The following PCDHA8 variants were observed in gnomAD, a reference collection of about 807,000 sequenced individuals.
PCDHA8 encodes the protein protocadherin alpha 8.
A neutral mutation model predicts 61.8 loss-of-function variants in PCDHA8; 53 were observed. The ratio of observed to expected loss-of-function variants is 0.86; its 90% CI spans 0.69 to 1.08. The LOEUF (loss-of-function observed/expected upper bound fraction) is 1.08, where lower values mean the gene tolerates loss of function less well. Among genes scored for constraint, PCDHA8 ranks in the 50% least tolerant of loss-of-function variants. The probability of loss-of-function intolerance (pLI) is 0.00; values close to 1 mark genes in which losing one functional copy is unlikely to be tolerated. For synonymous variants in PCDHA8, 618 were observed against 556.6 expected (o/e 1.11, Z -1.55); for missense variants, 1,293 against 1,245.0 (o/e 1.04, Z -0.58).
intron 1 of PCDHA8, chr5:140,863,111 C>T (rs782266273): frequency 1.2e-5 from 7 of 585,488 alleles, no homozygotes; most frequent in Non-Finnish European, 1.7e-5. Context: ...CTGGACGAGG[C>T]GAAAGCTACG....
In PCDHA8 at chr5:140,871,203, C is replaced by A. The variant is rs369236762; in HGVS notation, c.2394+27488C>A. On this transcript the variant is annotated intron_variant, in intron 1 of 3. Transcript: ENST00000531613. ...TGGTGGATGTCAACGTGTACCTGAT[C>A]ATCGCCATCTGCGTGGTGTCCAGCC... The A allele has an allele frequency of 6.3e-5, 101 of 1,613,744 alleles. No homozygotes were observed. The African/African-American group carries it at 1.3e-3, about 21-fold the overall frequency.
intron 1 of PCDHA8, among the ~76,000 whole-genome samples, chr5:140,950,427 C>T (rs393858): frequency 0.56 from 85,078 of 151,138 alleles, 24,477 homozygotes; most frequent in African/African-American, 0.69. Flanking sequence ...TTTTCTTCCA[C>T]TTAAAAAAAA....
chr5:140,876,477 G>A, intron 1 of PCDHA8: 1 of 1,614,034 alleles, frequency 6.2e-7, no homozygotes, highest in Non-Finnish European at 8.5e-7. Flanking sequence ...GTCACAGCAT[G>A]GTCCTGGTGG....
intron 1 of PCDHA8, among the ~76,000 whole-genome samples, chr5:140,926,076 T>C (rs2082906284): frequency 1.3e-5 from 2 of 152,204 alleles, no homozygotes; most frequent in Admixed American, 1.3e-4. Context: ...TCGTCTCTAT[T>C]GCCCTCTTGG....
chr5:140,910,808 G>A (rs535429898), intron 1 of PCDHA8, among the ~76,000 whole-genome samples: 1 of 152,170 alleles, frequency 6.6e-6, no homozygotes, highest in South Asian at 2.1e-4. Flanking sequence ...TGCTTAGTGG[G>A]CCCAAATCAA....
At chr5:140,854,069 A>G (rs1432539790) in intron 1 of PCDHA8, 1 of 273,288 alleles carries the variant, frequency 3.7e-6, no homozygotes, top group Non-Finnish European at 5.6e-6. Context: ...GGCTGAGGCG[A>G]GAGAATCGCT....
rs1386589487 is a variant in PCDHA8 at position 140,876,579 on chromosome 5, T to C, written c.2394+32864T>C. ...AGGATGCTCAGGTGGGTACCGTCAT[T>C]GCCCTGATTAGCGTGTCGGATCGTG... On this transcript the variant is annotated intron_variant, in intron 1 of 3. Coordinates refer to ENST00000531613, the MANE Select transcript of PCDHA8 (RefSeq NM_018911.3). 5 of 1,614,104 alleles carry C rather than the reference T, an allele frequency of 3.1e-6. No homozygotes were observed. In the African/African-American group the frequency reaches 5.3e-5, roughly 17 times the overall value.
At chr5:140,901,941 T>C (rs1350790379) in intron 1 of PCDHA8, among the ~76,000 whole-genome samples, 3 of 152,110 alleles carry the variant, frequency 2.0e-5, no homozygotes, top group African/African-American at 7.2e-5. Flanking sequence ...CTAGGTATAT[T>C]TAGTTTTATT....
chr5:140,969,011 A>G lies in PCDHA8; in HGVS notation c.2395-9938A>G, dbSNP rs1554231347. On this transcript the variant is annotated intron_variant, in intron 1 of 3. Transcript: ENST00000531613. Reference sequence around the variant, plus strand: ...ATGCTGTGGAGGCTTCTGTGGAGTAAGGGAAAGGTCCCCTGCAGAACTGTA... The same window carrying G: ...ATGCTGTGGAGGCTTCTGTGGAGTAGGGGAAAGGTCCCCTGCAGAACTGTA... The G allele has an allele frequency of 2.5e-6, 4 of 1,614,084 alleles. No individual in the cohort carries two copies. In the South Asian group the frequency reaches 4.4e-5, roughly 18 times the overall value.
At chr5:140,877,789 A>G (rs2057339151) in intron 1 of PCDHA8, 1 of 1,613,954 alleles carries the variant, frequency 6.2e-7, no homozygotes, top group Non-Finnish European at 8.5e-7. Context: ...CATGGCCTTC[A>G]GCCCAAGCCT....
chr5:140,933,937 T>A (rs1369497002), intron 1 of PCDHA8, among the ~76,000 whole-genome samples: 1 of 152,082 alleles, frequency 6.6e-6, no homozygotes. Context: ...GTGACTTTTT[T>A]TCACATCTGC....
intron 1 of PCDHA8, chr5:140,881,395 T>C: frequency 1.0e-6 from 1 of 978,940 alleles, no homozygotes; most frequent in Non-Finnish European, 1.2e-6. Context: ...TAAGTTAAAT[T>C]CTATTAAATC....
rs2150395747 is a variant in PCDHA8, at chr5:140,846,917, A to G, written c.2394+3202A>G. 4.9e-4 allele frequency among the ~76,000 whole-genome samples: 73 copies of G among 149,736 alleles called. 3 individuals are homozygous for G. The highest frequency in any genetic ancestry group is 1.6e-3 in the African/African-American group (65 of 40,960). ...TGAAGTTGAAAGACAATCATTTCCT[A>G]TTTGAATTTTTGAAGAAATACTTGA... On this transcript the variant is annotated intron_variant, in intron 1 of 3. Coordinates refer to ENST00000531613, the MANE Select transcript of PCDHA8 (RefSeq NM_018911.3).
chr5:140,906,824 G>A (rs2072970432), intron 1 of PCDHA8, among the ~76,000 whole-genome samples: 1 of 152,216 alleles, frequency 6.6e-6, no homozygotes, highest in African/African-American at 2.4e-5. Flanking sequence ...CTGTGGAGTA[G>A]TAGACTGATT....
intron 1 of PCDHA8, chr5:140,883,983 G>A (rs2059929181): frequency 6.2e-7 from 1 of 1,612,892 alleles, no homozygotes; most frequent in East Asian, 2.2e-5. Flanking sequence ...GGGGCTGGCA[G>A]CGCGGGAGGC....
intron 1 of PCDHA8, chr5:140,967,285 G>A (rs150694611): frequency 1.9e-6 from 3 of 1,613,058 alleles, no homozygotes; most frequent in East Asian, 2.2e-5. Context: ...AGAGTGCGCA[G>A]GACCCCGACG....
intron 1 of PCDHA8, chr5:140,857,554 G>A (rs782355772): frequency 1.3e-6 from 2 of 1,596,880 alleles, no homozygotes; most frequent in East Asian, 4.5e-5. Flanking sequence ...GCGAGCGCTC[G>A]CTGTCGAGCT....
intron 1 of PCDHA8, among the ~76,000 whole-genome samples, chr5:140,898,157 G>A (rs1455235992): frequency 1.3e-5 from 2 of 152,162 alleles, no homozygotes; most frequent in South Asian, 4.1e-4. Context: ...CACGCTGATG[G>A]TGGTTTCTTT....
At chr5:140,936,043 C>A (rs1246569956) in intron 1 of PCDHA8, among the ~76,000 whole-genome samples, 1 of 152,038 alleles carries the variant, frequency 6.6e-6, no homozygotes, top group Non-Finnish European at 1.5e-5. Context: ...CAGGCACCCA[C>A]CACCACACCC....
Sources: allele counts gnomAD v4.1 joint callset (sites outside exome capture counted in the v4.1 genomes callset), GRCh38; gene constraint gnomAD v4.1.1; transcripts MANE v1.5; gene names NCBI Gene and HGNC (gene_info 2026-07-23, HGNC 2026-07-21).